BNC2: variants seen among roughly 807,000 people sequenced by gnomAD.
BNC2 encodes the protein zinc finger protein basonuclin-2.
In BNC2, 20 loss-of-function variants were observed where a neutral mutation model predicts 76.3. The ratio of observed to expected loss-of-function variants is 0.26; its 90% confidence interval spans 0.18 to 0.38. The LOEUF (loss-of-function observed/expected upper bound fraction) is 0.38. BNC2 is among the 10% of genes least tolerant of loss of function. The pLI, the probability that BNC2 is intolerant of heterozygous loss-of-function variation, is 1.00. For missense variants in BNC2, 1,382 were observed against 1,399.8 expected (o/e 0.99, Z 0.20); for synonymous variants, 582 against 514.8 (o/e 1.13, Z -1.77).
intron 5 of BNC2, among the ~76,000 whole-genome samples, chr9:16,459,712 A>G (rs897918714): frequency 6.6e-6 from 1 of 152,322 alleles, no homozygotes; most frequent in African/African-American, 2.4e-5. Context: ...TAGATCCCAC[A>G]TTGGAGAGAA....
intron 3 of BNC2, among the ~76,000 whole-genome samples, chr9:16,610,822 C>G (rs1820523850): frequency 6.6e-6 from 1 of 152,072 alleles, no homozygotes; most frequent in Non-Finnish European, 1.5e-5. Context: ...GTGTATATAG[C>G]AAATTCTGTT....
At chr9:16,632,391 T>C (rs1247171481) in intron 3 of BNC2, among the ~76,000 whole-genome samples, 1 of 150,444 alleles carries the variant, frequency 6.6e-6, no homozygotes, top group Non-Finnish European at 1.5e-5. Context: ...GCCTTGTACA[T>C]CTTCTGGAGT....
At chr9:16,584,465 T>A (rs1199996087) in intron 3 of BNC2, among the ~76,000 whole-genome samples, 1 of 152,216 alleles carries the variant, frequency 6.6e-6, no homozygotes, top group Non-Finnish European at 1.5e-5. Context: ...ATTAAATCTA[T>A]GGATCCCTAT....
chr9:16,620,607 T>C (rs1820839130), intron 3 of BNC2, among the ~76,000 whole-genome samples: 1 of 152,172 alleles, frequency 6.6e-6, no homozygotes, highest in East Asian at 1.9e-4. Flanking sequence ...AAAATGAGTA[T>C]GTAGCAAAGT....
intron 5 of BNC2, among the ~76,000 whole-genome samples, chr9:16,446,482 GA>G (rs1821234110): frequency 1.3e-5 from 2 of 151,628 alleles, no homozygotes; most frequent in African/African-American, 4.8e-5. Context: ...ATCCATATTT[GA>G]AAAAAATTTC....
intron 5 of BNC2, among the ~76,000 whole-genome samples, chr9:16,525,890 T>C (rs759631200): frequency 1.3e-5 from 2 of 152,220 alleles, no homozygotes; most frequent in Non-Finnish European, 2.9e-5. Context: ...ATAATTTTTT[T>C]TTGCTAAAGG....
chr9:16,659,434 C>T (rs1822038297), intron 3 of BNC2, among the ~76,000 whole-genome samples: 1 of 151,848 alleles, frequency 6.6e-6, no homozygotes. Flanking sequence ...ATGGTGAAAC[C>T]CCATCTCTAC....
chr9:16,865,940 G>A (rs1412804905), intron 1 of BNC2, among the ~76,000 whole-genome samples: 1 of 152,084 alleles, frequency 6.6e-6, no homozygotes, highest in Non-Finnish European at 1.5e-5. Flanking sequence ...TGTACTGAGG[G>A]TTCTAATAAG....
At chr9:16,777,758 A>T (rs191531761) in intron 1 of BNC2, among the ~76,000 whole-genome samples, 5 of 152,014 alleles carry the variant, frequency 3.3e-5, no homozygotes. Flanking sequence ...ATCACGCATG[A>T]CTGTAAAATC....
At chr9:16,432,898 A>G (rs1820934180) in intron 6 of BNC2, among the ~76,000 whole-genome samples, 1 of 152,246 alleles carries the variant, frequency 6.6e-6, no homozygotes, top group African/African-American at 2.4e-5. Flanking sequence ...TAACAAAGTA[A>G]AAGTGAAGAG....
chr9:16,654,894 C>T (rs1821885678), intron 3 of BNC2, among the ~76,000 whole-genome samples: 1 of 152,122 alleles, frequency 6.6e-6, no homozygotes, highest in Non-Finnish European at 1.5e-5. Flanking sequence ...TTGCACAAGT[C>T]TCTACTGTAA....
chr9:16,732,185 G>GA lies in BNC2; in HGVS notation c.130-4189dup, dbSNP rs560139232. Among the ~76,000 whole-genome samples, 105 of 60,324 alleles carry GA rather than the reference G, an allele frequency of 1.7e-3. 1 individual carries two copies. In the South Asian group the frequency reaches 0.039, roughly 22 times the overall value. The allele number at this position is 60,324 out of a possible 152,430, so 39.6% of individuals were successfully genotyped here. On this transcript the variant is annotated intron_variant, in intron 2 of 6. Transcript: ENST00000380672. ...AAAAAAAAGAAAAAGAAACAAAAAA[G>GA]AAAAAACCTATGTTGGTGTAAAAAA...
intron 1 of BNC2, among the ~76,000 whole-genome samples, chr9:16,860,581 T>C (rs530768097): frequency 1.3e-5 from 2 of 152,272 alleles, no homozygotes; most frequent in African/African-American, 2.4e-5. Context: ...GAGCTCAAAC[T>C]GTAAGACACT....
chr9:16,761,634 A>G (rs1290657415), intron 1 of BNC2, among the ~76,000 whole-genome samples: 1 of 152,202 alleles, frequency 6.6e-6, no homozygotes, highest in Admixed American at 6.5e-5. Context: ...TAAGTTCAGG[A>G]TTCTAGTTAT....
At chr9:16,835,452 A>C (rs1299406362) in intron 1 of BNC2, among the ~76,000 whole-genome samples, 1 of 151,580 alleles carries the variant, frequency 6.6e-6, no homozygotes, top group Non-Finnish European at 1.5e-5. Flanking sequence ...TAATCCCAGC[A>C]CTTTGGGAGG....
intron 5 of BNC2, among the ~76,000 whole-genome samples, chr9:16,514,762 G>A (rs1014986402): frequency 2.6e-5 from 4 of 152,058 alleles, no homozygotes; most frequent in African/African-American, 4.8e-5. Context: ...AGGGATCCAC[G>A]TCTCGATGAT....
chr9:16,870,083 G>A (rs1311131178), intron 1 of BNC2, among the ~76,000 whole-genome samples: 1 of 152,154 alleles, frequency 6.6e-6, no homozygotes, highest in Non-Finnish European at 1.5e-5. Flanking sequence ...CATTTACCAC[G>A]GGAAGATTCC....
At chr9:16,480,796 T>TC (rs1481900828) in intron 5 of BNC2, among the ~76,000 whole-genome samples, 1 of 151,926 alleles carries the variant, frequency 6.6e-6, no homozygotes. Flanking sequence ...TCCCACCCCC[T>TC]CCATGGGCTC....
Position 16,728,321 on chromosome 9 carries a change from C to A in BNC2, c.130-324G>T, listed in dbSNP as rs971056532. On this transcript the variant is annotated intron_variant, in intron 2 of 6. Coordinates refer to ENST00000380672, the MANE Select transcript of BNC2 (RefSeq NM_017637.6). The stretch of plus-strand genomic sequence containing the variant: ...GCTAAGAGTCAACTGCACTGTTCCA[C>A]TGTCAGGCACCAAATGACACCCTGC... 7 of 419,420 alleles carry A rather than the reference C, an allele frequency of 1.7e-5. No individual in the cohort carries two copies. The East Asian group carries it at 3.3e-4, about 20-fold the overall frequency. 26.0% of individuals were successfully genotyped at this position (419,420 alleles called of 1,614,324 possible). A position where few individuals can be genotyped will look rare whatever the true frequency, so the allele number is the denominator to read the frequency against.
Sources: allele counts gnomAD v4.1 joint callset (sites outside exome capture counted in the v4.1 genomes callset), GRCh38; gene constraint gnomAD v4.1.1; transcripts MANE v1.5; gene names NCBI Gene and HGNC (gene_info 2026-07-23, HGNC 2026-07-21).